Variants in FOXP2 observed in about 807,000 individuals in gnomAD.
FOXP2 encodes forkhead box P2.
In FOXP2, 12 loss-of-function variants were observed where a neutral mutation model predicts 115.8. The observed-to-expected ratio is 0.10, with a 90% CI of 0.07 to 0.17. The LOEUF (loss-of-function observed/expected upper bound fraction) is 0.17, where lower values mean the gene tolerates loss of function less well. FOXP2 is among the 10% of genes least tolerant of loss of function. The pLI is 1.00. For missense variants in FOXP2, 629 were observed against 843.5 expected (o/e 0.75, Z 3.15); for synonymous variants, 328 against 297.7 (o/e 1.10, Z -1.05).
intron 2 of FOXP2, among the ~76,000 whole-genome samples, chr7:114,323,534 C>T (rs1333710294): frequency 6.6e-6 from 1 of 151,982 alleles, no homozygotes; most frequent in Non-Finnish European, 1.5e-5. Context: ...AAAAGGTAAT[C>T]ATTCTAAGTC....
intron 2 of FOXP2, among the ~76,000 whole-genome samples, chr7:114,379,751 C>A (rs1325313319): frequency 1.3e-5 from 2 of 152,130 alleles, no homozygotes. Flanking sequence ...TTCTTTGGCA[C>A]ACCTCACAGG....
At chr7:114,284,253 T>C (rs551720033) in intron 1 of FOXP2, among the ~76,000 whole-genome samples, 1 of 151,106 alleles carries the variant, frequency 6.6e-6, no homozygotes, top group Non-Finnish European at 1.5e-5. Flanking sequence ...CTCCTGTATA[T>C]ACCCTGTCTC....
upstream of FOXP2, chr7:114,086,716 C>T (rs1388827335): frequency 8.8e-6 from 2 of 228,522 alleles, no homozygotes; most frequent in South Asian, 4.1e-5. Context: ...GCTCCGCGCT[C>T]CTCCCGCGGT....
At chr7:114,327,202 T>G (rs1191551095) in intron 2 of FOXP2, among the ~76,000 whole-genome samples, 1 of 152,252 alleles carries the variant, frequency 6.6e-6, no homozygotes, top group Non-Finnish European at 1.5e-5. Flanking sequence ...CCTGAGGAAC[T>G]GACTGTGTAC....
At chr7:114,673,826 A>C (rs752226037) in intron 16 of FOXP2, among the ~76,000 whole-genome samples, 1 of 152,000 alleles carries the variant, frequency 6.6e-6, no homozygotes, top group Non-Finnish European at 1.5e-5. Context: ...CAGCCTCCTG[A>C]GTAGCTGGGA....
intron 3 of FOXP2, among the ~76,000 whole-genome samples, chr7:114,596,162 C>A (rs1455847588): frequency 1.3e-5 from 2 of 152,000 alleles, no homozygotes; most frequent in Admixed American, 1.3e-4. Flanking sequence ...TCACATTTTT[C>A]TCTTTTTATT....
intron 8 of FOXP2, among the ~76,000 whole-genome samples, chr7:114,647,546 TGAAG>T (rs1805980709): frequency 6.6e-6 from 1 of 151,878 alleles, no homozygotes; most frequent in African/African-American, 2.4e-5. Context: ...TACAAAATGA[TGAAG>T]GGAGTCCAGG....
At chr7:114,420,070 A>G (rs941903269) in intron 1 of FOXP2, among the ~76,000 whole-genome samples, 9 of 151,922 alleles carry the variant, frequency 5.9e-5, no homozygotes, top group African/African-American at 1.4e-4. Context: ...TATGCTCAGG[A>G]AAAACAGCAA....
intron 3 of FOXP2, among the ~76,000 whole-genome samples, chr7:114,620,549 T>TAGAAGTCTTTTTACTAGTTGGTAA (rs1395941946): frequency 6.6e-6 from 1 of 152,072 alleles, no homozygotes; most frequent in Admixed American, 6.6e-5. Context: ...TGGTAAAAAG[T>TAGAAGTCTTTTTACTAGTTGGTAA]AATCGTAGAA....
chr7:114,207,323 CAT>C (rs1205724714), intron 1 of FOXP2, among the ~76,000 whole-genome samples: 1 of 152,136 alleles, frequency 6.6e-6, no homozygotes, highest in East Asian at 1.9e-4. Flanking sequence ...ACTTAGGAGT[CAT>C]ATAATTTTAT....
intron 2 of FOXP2, among the ~76,000 whole-genome samples, chr7:114,426,994 CG>C: frequency 6.6e-6 from 1 of 151,700 alleles, no homozygotes; most frequent in Admixed American, 6.6e-5. Flanking sequence ...TGCTGCAGAA[CG>C]TGATACTTAG....
At chr7:114,329,660 ATTTATTTATTTATTTATT>A (rs956488780) in intron 2 of FOXP2, among the ~76,000 whole-genome samples, 2 of 28,368 alleles carry the variant, frequency 7.1e-5, no homozygotes, top group African/African-American at 9.9e-5. Context: ...TTATTTATTT[ATTTATTTATTTATTTATT>A]TATTTATTTA....
intron 2 of FOXP2, among the ~76,000 whole-genome samples, chr7:114,436,678 G>C (rs867489967): frequency 2.0e-5 from 3 of 151,584 alleles, no homozygotes; most frequent in Non-Finnish European, 4.4e-5. Context: ...GGAATAGACA[G>C]CAAATAATCA....
At chr7:114,106,258 A>G (rs1338872117) in intron 1 of FOXP2, among the ~76,000 whole-genome samples, 3 of 151,920 alleles carry the variant, frequency 2.0e-5, no homozygotes, top group African/African-American at 7.2e-5. Context: ...TTAAAACCAT[A>G]TTTGTAAACA....
At chr7:114,634,897 C>T (rs1426608707) in intron 6 of FOXP2, among the ~76,000 whole-genome samples, 1 of 152,096 alleles carries the variant, frequency 6.6e-6, no homozygotes, top group Admixed American at 6.5e-5. Flanking sequence ...CACACATTTA[C>T]TATGACTATA....
intron 1 of FOXP2, among the ~76,000 whole-genome samples, chr7:114,226,552 G>A (rs1329625344): frequency 6.6e-6 from 1 of 152,126 alleles, no homozygotes; most frequent in South Asian, 2.1e-4. Context: ...ACATGCTATA[G>A]CAAGAAGAGT....
chr7:114,583,811 C>T (rs1801986978), intron 3 of FOXP2, among the ~76,000 whole-genome samples: 1 of 152,166 alleles, frequency 6.6e-6, no homozygotes. Flanking sequence ...AAAAATTATT[C>T]ATTTTAACAT....
At chr7:114,419,713 G>GACAC (rs35955915) in intron 1 of FOXP2, 3,416 of 141,584 alleles carry the variant, frequency 0.024, 39 homozygotes, top group African/African-American at 0.037. Context: ...CATACACATA[G>GACAC]ACACACACAC....
In FOXP2 at chr7:114,468,473, A is replaced by G. The variant is rs565241763; in HGVS notation, c.168+41794A>G. 1.3e-3 allele frequency among the ~76,000 whole-genome samples: 202 copies of G among 152,264 alleles called. 1 individual carries two copies. The highest frequency in any genetic ancestry group is 4.5e-3 in the African/African-American group (185 of 41,566). ...TGACATCTTTTAATGATTTAGTGCCAACTTACTTACCCATCTTACTGTTTT... is the reference window on the plus strand; with the variant it reads ...TGACATCTTTTAATGATTTAGTGCCGACTTACTTACCCATCTTACTGTTTT... On this transcript the variant is annotated intron_variant, in intron 2 of 16. Transcript: ENST00000350908.
Sources: allele counts gnomAD v4.1 joint callset (sites outside exome capture counted in the v4.1 genomes callset), GRCh38; gene constraint gnomAD v4.1.1; transcripts MANE v1.5; gene names NCBI Gene and HGNC (gene_info 2026-07-23, HGNC 2026-07-21).